The following GALNT10 variants were observed in gnomAD, a reference collection of about 807,000 sequenced individuals.
GALNT10 encodes polypeptide N-acetylgalactosaminyltransferase 10, also known as GalNAc transferase 10.
A neutral mutation model predicts 75.0 loss-of-function variants in GALNT10; 41 were observed. The observed-to-expected ratio is 0.55, with a 90% CI of 0.43 to 0.71. The LOEUF is 0.71. Among genes scored for constraint, GALNT10 ranks in the 30% least tolerant of loss-of-function variants. GALNT10 has a pLI of 0.00. For synonymous variants in GALNT10, 302 were observed against 313.0 expected (o/e 0.96, Z 0.37); for missense variants, 727 against 818.5 (o/e 0.89, Z 1.36).
intron 3 of GALNT10, among the ~76,000 whole-genome samples, chr5:154,308,515 G>A (rs757327947): frequency 6.6e-6 from 1 of 152,346 alleles, no homozygotes; most frequent in Non-Finnish European, 1.5e-5. Flanking sequence ...CCTGCCCCAC[G>A]TGGCATCACC....
chr5:154,313,537 C>T (rs1754555674), intron 3 of GALNT10, among the ~76,000 whole-genome samples: 1 of 152,168 alleles, frequency 6.6e-6, no homozygotes, highest in African/African-American at 2.4e-5. Context: ...GAATAAACCT[C>T]TGTGTGTTTC....
intron 3 of GALNT10, among the ~76,000 whole-genome samples, chr5:154,312,495 T>A (rs1002357541): frequency 1.3e-5 from 2 of 152,252 alleles, no homozygotes; most frequent in African/African-American, 2.4e-5. Flanking sequence ...TTGTTTTGTT[T>A]TATAAAAATG....
At chr5:154,361,491 T>C (rs561162211) in intron 4 of GALNT10, among the ~76,000 whole-genome samples, 3 of 152,384 alleles carry the variant, frequency 2.0e-5, no homozygotes, top group Non-Finnish European at 4.4e-5. Context: ...CAGCTGTTCA[T>C]GTTCTCATTG....
chr5:154,361,256 A>T (rs114966303), intron 4 of GALNT10, among the ~76,000 whole-genome samples: 1 of 152,148 alleles, frequency 6.6e-6, no homozygotes, highest in Non-Finnish European at 1.5e-5. Context: ...AGGAAAGCAC[A>T]GTAGTTAGGA....
intron 1 of GALNT10, among the ~76,000 whole-genome samples, chr5:154,287,723 T>C (rs1754133085): frequency 6.6e-6 from 1 of 152,188 alleles, no homozygotes; most frequent in African/African-American, 2.4e-5. Context: ...ATAATCATTG[T>C]TTGGATGAAT....
intron 2 of GALNT10, 36 bp from the exon 3 acceptor site, chr5:154,297,905 A>T (rs377201746): frequency 6.3e-7 from 1 of 1,598,900 alleles, no homozygotes; most frequent in Non-Finnish European, 8.6e-7. Flanking sequence ...TACCCCATAC[A>T]TCATTAGCAA....
chr5:154,346,161 T>A (rs1581984972), intron 4 of GALNT10, among the ~76,000 whole-genome samples: 1 of 151,004 alleles, frequency 6.6e-6, no homozygotes, highest in South Asian at 2.1e-4. Flanking sequence ...TGTGTGTGTG[T>A]GAGATAGATA....
intron 4 of GALNT10, among the ~76,000 whole-genome samples, chr5:154,366,644 T>C (rs546262182): frequency 6.6e-6 from 1 of 152,128 alleles, no homozygotes; most frequent in Admixed American, 6.5e-5. Context: ...GCAACTCTTA[T>C]GGTGGTAGGA....
chr5:154,356,765 G>A (rs763442498), intron 4 of GALNT10, among the ~76,000 whole-genome samples: 3 of 152,150 alleles, frequency 2.0e-5, no homozygotes, highest in Non-Finnish European at 4.4e-5. Flanking sequence ...TCATTAGGGA[G>A]GAAGGGCCAG....
Position 154,382,573 on chromosome 5 carries a change from TCCTCAGGTCTAGGTAGAATTAC to T in GALNT10, c.938+1948_938+1969del, listed in dbSNP as rs1755749526. 2.0e-5 allele frequency among the ~76,000 whole-genome samples: 3 copies of T among 152,284 alleles called. No individual in the cohort carries two copies. In the East Asian group the frequency reaches 5.8e-4, roughly 29 times the overall value. On this transcript the variant is annotated intron_variant, in intron 6 of 11. Transcript: ENST00000297107. ...GCATGATCCTTATAATAATGTAGGA[TCCTCAGGTCTAGGTAGAATTAC>T]CCTCATTTGACTGATGGAGGCCTTG...
intron 1 of GALNT10, among the ~76,000 whole-genome samples, chr5:154,260,631 T>C (rs1316834047): frequency 6.6e-6 from 1 of 152,216 alleles, no homozygotes; most frequent in Non-Finnish European, 1.5e-5. Flanking sequence ...ACCACTCTAG[T>C]TGCAGGGAAT....
chr5:154,249,440 A>G (rs1753480790), intron 1 of GALNT10, among the ~76,000 whole-genome samples: 1 of 152,134 alleles, frequency 6.6e-6, no homozygotes, highest in Non-Finnish European at 1.5e-5. Flanking sequence ...AGACAGCATA[A>G]ATCAAGCAAA....
At chr5:154,360,094 A>C (rs1189280107) in intron 4 of GALNT10, among the ~76,000 whole-genome samples, 1 of 152,186 alleles carries the variant, frequency 6.6e-6, no homozygotes, top group Non-Finnish European at 1.5e-5. Context: ...AGTATTCATC[A>C]GTAGGCTAAG....
At chr5:154,340,350 A>G (rs1755016261) in intron 4 of GALNT10, among the ~76,000 whole-genome samples, 1 of 152,232 alleles carries the variant, frequency 6.6e-6, no homozygotes, top group Non-Finnish European at 1.5e-5. Flanking sequence ...ACTTTATAGG[A>G]AGCCTCTTTA....
At position 154,275,596 on chromosome 5, in the gene GALNT10, T is replaced by G. The variant is rs539293900; in HGVS notation, c.160-19220T>G. ...GCAGGACTTTGCAGAACACTTTATC[T>G]CTGCTGCACACAGCGCCTGCCAGGT... On this transcript the variant is annotated intron_variant, in intron 1 of 11. Transcript: ENST00000297107. 2.6e-5 allele frequency among the ~76,000 whole-genome samples: 4 copies of G among 152,348 alleles called. No homozygotes were observed. The South Asian group carries it at 8.3e-4, about 32-fold the overall frequency.
chr5:154,329,961 CAAA>C (rs4032071), intron 4 of GALNT10: 64 of 127,064 alleles, frequency 5.0e-4, no homozygotes, highest in East Asian at 1.2e-3. Context: ...GTATTAACTG[CAAA>C]AAAAAAAAAA....
At chr5:154,222,174 A>G (rs1188557710) in intron 1 of GALNT10, among the ~76,000 whole-genome samples, 3 of 150,734 alleles carry the variant, frequency 2.0e-5, no homozygotes, top group Non-Finnish European at 4.4e-5. Flanking sequence ...TTTCTGGATG[A>G]GTTTACATTT....
chr5:154,295,146 G>T (rs1318926286), intron 2 of GALNT10, among the ~76,000 whole-genome samples: 2 of 152,140 alleles, frequency 1.3e-5, no homozygotes, highest in African/African-American at 4.8e-5. Context: ...CACCAGATCT[G>T]CTGCCTGCAA....
chr5:154,310,444 T>G (rs948099151), intron 3 of GALNT10, among the ~76,000 whole-genome samples: 22 of 16,208 alleles, frequency 1.4e-3, no homozygotes, highest in Non-Finnish European at 4.9e-3. Flanking sequence ...TTTTTTTGTT[T>G]TTTTTTTTGT....
Sources: allele counts gnomAD v4.1 joint callset (sites outside exome capture counted in the v4.1 genomes callset), GRCh38; gene constraint gnomAD v4.1.1; transcripts MANE v1.5; gene names NCBI Gene and HGNC (gene_info 2026-07-23, HGNC 2026-07-21).